The following ADAMTS16 variants were observed in gnomAD, a reference collection of about 807,000 sequenced individuals.
The protein encoded by ADAMTS16 is ADAM metallopeptidase with thrombospondin type 1 motif 16.
A neutral mutation model predicts 145.8 loss-of-function variants in ADAMTS16; 94 were observed. That is an observed-to-expected ratio of 0.64 (90% CI 0.55 to 0.77). ADAMTS16 has a LOEUF of 0.77. ADAMTS16 is among the 30% of genes least tolerant of loss of function. The probability of loss-of-function intolerance (pLI) is 0.00; values close to 1 mark genes in which losing one functional copy is unlikely to be tolerated. For synonymous variants in ADAMTS16, 659 were observed against 604.3 expected (o/e 1.09, Z -1.33); for missense variants, 1,585 against 1,591.5 (o/e 1.00, Z 0.07).
chr5:5,140,895 ACTTT>A (rs1315865291), intron 2 of ADAMTS16, 129 bp downstream of exon 2: 38 of 908,660 alleles, frequency 4.2e-5, no homozygotes, highest in Middle Eastern at 3.1e-4. Flanking sequence ...GCTGTTGTGA[ACTTT>A]TTTTTTTTTT....
At chr5:5,220,933 C>A (rs1736585580) in intron 10 of ADAMTS16, among the ~76,000 whole-genome samples, 1 of 152,092 alleles carries the variant, frequency 6.6e-6, no homozygotes, top group Non-Finnish European at 1.5e-5. Flanking sequence ...AATCTGCTTT[C>A]ACACTCATTC....
At chr5:5,196,090 G>A (rs370183991) in intron 8 of ADAMTS16, among the ~76,000 whole-genome samples, 1 of 151,980 alleles carries the variant, frequency 6.6e-6, no homozygotes, top group African/African-American at 2.4e-5. Context: ...GCCGAGTGTG[G>A]TGGCAGGTTC....
chr5:5,254,697 A>C (rs1737729887), intron 17 of ADAMTS16, among the ~76,000 whole-genome samples: 1 of 152,316 alleles, frequency 6.6e-6, no homozygotes, highest in East Asian at 1.9e-4. Flanking sequence ...ATATATTAAC[A>C]TATTTTCTTG....
At chr5:5,140,875 C>A in intron 2 of ADAMTS16, 109 bp downstream of exon 2, 1 of 1,091,612 alleles carries the variant, frequency 9.2e-7, no homozygotes, top group African/African-American at 1.7e-5. Flanking sequence ...TGGAACCCTA[C>A]TTTTAAGATG....
At position 5,169,590 on chromosome 5, in the gene ADAMTS16, T is replaced by C. The variant is rs192637750; in HGVS notation, c.502-12454T>C. Among the ~76,000 whole-genome samples the C allele has an allele frequency of 3.8e-3, 581 of 152,320 alleles. 2 individuals are homozygous for C. Among genetic ancestry groups the C allele is most frequent in the Non-Finnish European group, 4.8e-3 (324 of 68,022 alleles). ...CATCTGACAGAGCCATTAGTGATTT[T>C]CCTCCACATGGCTGGTTTGCCTTTC... On this transcript the variant is annotated intron_variant, in intron 3 of 22. Coordinates refer to ENST00000274181, the MANE Select transcript of ADAMTS16 (RefSeq NM_139056.4).
chr5:5,195,285 T>A (rs961562002), intron 8 of ADAMTS16, among the ~76,000 whole-genome samples: 7 of 152,202 alleles, frequency 4.6e-5, no homozygotes, highest in African/African-American at 1.7e-4. Flanking sequence ...GACATGTGGT[T>A]TGCTAAGGCA....
At chr5:5,193,168 C>T (rs370833665) in intron 8 of ADAMTS16, among the ~76,000 whole-genome samples, 23,634 of 145,170 alleles carry the variant, frequency 0.16, 2,003 homozygotes, top group African/African-American at 0.24. Context: ...TGTGTGCGCG[C>T]GCGCACATAT....
intron 11 of ADAMTS16, among the ~76,000 whole-genome samples, chr5:5,229,370 G>A (rs904584888): frequency 6.6e-6 from 1 of 151,590 alleles, no homozygotes; most frequent in African/African-American, 2.4e-5. Flanking sequence ...AGAACGTTAG[G>A]TTCCGTTCCA....
intron 10 of ADAMTS16, among the ~76,000 whole-genome samples, chr5:5,220,850 T>A (rs954802973): frequency 6.6e-6 from 1 of 152,040 alleles, no homozygotes. Context: ...TACTGGACCA[T>A]TGTGGCCATC....
intron 3 of ADAMTS16, among the ~76,000 whole-genome samples, chr5:5,151,515 G>A (rs1275616648): frequency 1.3e-5 from 2 of 152,020 alleles, no homozygotes; most frequent in Non-Finnish European, 2.9e-5. Flanking sequence ...TGGAACCACA[G>A]GTGTGAACCA....
chr5:5,304,701 A>C (rs1743250182), intron 20 of ADAMTS16, among the ~76,000 whole-genome samples: 1 of 152,092 alleles, frequency 6.6e-6, no homozygotes, highest in South Asian at 2.1e-4. Context: ...TCAGTTTGTT[A>C]CTAAAAAATA....
chr5:5,246,649 G>A (rs926667816), intron 17 of ADAMTS16, among the ~76,000 whole-genome samples: 1 of 152,198 alleles, frequency 6.6e-6, no homozygotes, highest in Admixed American at 6.5e-5. Flanking sequence ...ATTGAGCAAT[G>A]AAATGCCAAA....
Position 5,191,761 on chromosome 5 carries a change from C to T in ADAMTS16, c.1284C>T (p.Ala428=). 3 of 1,613,588 alleles carry T rather than the reference C, an allele frequency of 1.9e-6. No homozygotes were observed. Among genetic ancestry groups the T allele is most frequent in the Non-Finnish European group, 2.5e-6 (3 of 1,179,702 alleles). ...ATGAAGATACAGGTCTTGGACTGGC[C>T]TTCACCATTGCCCATGAGTCTGGAC... ...TINEDTGLGL[A]FTIAHESGHN... Residue 428 remains alanine (A), a synonymous_variant, in exon 8 of 23, where the codon GCC becomes GCT. Coordinates refer to ENST00000274181, the MANE Select transcript of ADAMTS16 (RefSeq NM_139056.4).
intron 4 of ADAMTS16, among the ~76,000 whole-genome samples, chr5:5,183,367 G>A (rs866836931): frequency 6.6e-6 from 1 of 152,218 alleles, no homozygotes; most frequent in Non-Finnish European, 1.5e-5. Flanking sequence ...CGAGGCTGCC[G>A]TGACCGGCAG....
At chr5:5,316,475 A>G (rs1195274084) in intron 21 of ADAMTS16, among the ~76,000 whole-genome samples, 1 of 152,192 alleles carries the variant, frequency 6.6e-6, no homozygotes, top group Non-Finnish European at 1.5e-5. Context: ...TTTATTTTTC[A>G]GATGACTCAA....
chr5:5,212,811 T>C (rs1235654384), intron 10 of ADAMTS16, among the ~76,000 whole-genome samples: 2 of 152,240 alleles, frequency 1.3e-5, no homozygotes, highest in African/African-American at 4.8e-5. Context: ...GATTTCAATC[T>C]ACTGTTTTAC....
chr5:5,210,647 A>G (rs571097865), intron 10 of ADAMTS16, among the ~76,000 whole-genome samples: 3 of 152,302 alleles, frequency 2.0e-5, no homozygotes, highest in Admixed American at 6.5e-5. Flanking sequence ...ATATAGTAAC[A>G]TTAAAAGTAA....
chr5:5,208,787 T>C (rs542981665), intron 9 of ADAMTS16, among the ~76,000 whole-genome samples: 16 of 152,264 alleles, frequency 1.1e-4, no homozygotes, highest in Non-Finnish European at 2.1e-4. Context: ...GAGCTTCTCA[T>C]GTTGAACACT....
At chr5:5,226,552 G>A (rs1280335600) in intron 11 of ADAMTS16, among the ~76,000 whole-genome samples, 1 of 152,102 alleles carries the variant, frequency 6.6e-6, no homozygotes. Flanking sequence ...CAAGTCTCAC[G>A]TAAACAGTCC....
Sources: gnomAD v4.1 joint callset for allele counts (sites outside exome capture counted in the v4.1 genomes callset) on GRCh38, gnomAD v4.1.1 for gene constraint, MANE v1.5 for transcripts, NCBI Gene and HGNC (gene_info 2026-07-23, HGNC 2026-07-21) for gene names.